Variants in ADAM10 observed in about 807,000 individuals in gnomAD.
The protein encoded by ADAM10 is ADAM metallopeptidase domain 10, also known as disintegrin and metalloproteinase domain-containing protein 10.
In ADAM10, 17 loss-of-function variants were observed where a neutral mutation model predicts 90.1. The observed-to-expected ratio is 0.19, with a 90% CI of 0.13 to 0.28. The LOEUF (loss-of-function observed/expected upper bound fraction) is 0.28, where lower values mean the gene tolerates loss of function less well. Among genes scored for constraint, ADAM10 ranks in the 10% least tolerant of loss-of-function variants. The pLI, the probability that ADAM10 is intolerant of heterozygous loss-of-function variation, is 1.00. For synonymous variants in ADAM10, 310 were observed against 298.6 expected, an observed-to-expected ratio of 1.04 and a Z score of -0.40; for missense variants, 610 against 914.3, an observed-to-expected ratio of 0.67 and a Z score of 4.29.
chr15:58,677,968 A>G (rs1897333656), intron 4 of ADAM10, among the ~76,000 whole-genome samples: 2 of 152,200 alleles, frequency 1.3e-5, no homozygotes, highest in Non-Finnish European at 2.9e-5. Context: ...AACCAGGTAA[A>G]TAATAATTTT....
intron 1 of ADAM10, among the ~76,000 whole-genome samples, chr15:58,728,881 G>C (rs1899128174): frequency 6.6e-6 from 1 of 152,236 alleles, no homozygotes; most frequent in African/African-American, 2.4e-5. Flanking sequence ...TTGCTAATAG[G>C]ACATAAGTAG....
chr15:58,740,507 A>G (rs571712578), intron 1 of ADAM10, among the ~76,000 whole-genome samples: 2 of 152,254 alleles, frequency 1.3e-5, no homozygotes, highest in African/African-American at 4.8e-5. Context: ...ACTTATACAT[A>G]TCTCAGTGTC....
At chr15:58,671,110 C>T (rs1897181963) in intron 4 of ADAM10, among the ~76,000 whole-genome samples, 1 of 152,176 alleles carries the variant, frequency 6.6e-6, no homozygotes, top group Non-Finnish European at 1.5e-5. Context: ...ACCAAGACCA[C>T]TAACTTGTAT....
chr15:58,726,566 C>CA (rs1285094094), intron 1 of ADAM10, among the ~76,000 whole-genome samples: 89 of 9,808 alleles, frequency 9.1e-3, no homozygotes, highest in South Asian at 0.017. Context: ...CCTCAGTCTC[C>CA]CAAAAAAAAA....
At chr15:58,708,029 A>G (rs1898358865) in intron 2 of ADAM10, among the ~76,000 whole-genome samples, 1 of 152,044 alleles carries the variant, frequency 6.6e-6, no homozygotes, top group South Asian at 2.1e-4. Flanking sequence ...ATGAGTGAAG[A>G]TCGCGCCACT....
intron 8 of ADAM10, among the ~76,000 whole-genome samples, chr15:58,638,816 G>C (rs1161465048): frequency 2.6e-5 from 4 of 151,940 alleles, no homozygotes; most frequent in African/African-American, 9.7e-5. Context: ...TTCCAAATAG[G>C]GGAGCATTCT....
chr15:58,666,712 T>C (rs1311086198), intron 4 of ADAM10, among the ~76,000 whole-genome samples: 1 of 152,156 alleles, frequency 6.6e-6, no homozygotes, highest in African/African-American at 2.4e-5. Flanking sequence ...CTTAAAACAT[T>C]GGGATTTTAA....
intron 11 of ADAM10, 66 bp from the exon 12 acceptor site, chr15:58,612,057 T>C (rs1419180696): frequency 3.0e-5 from 43 of 1,426,272 alleles, no homozygotes; most frequent in Non-Finnish European, 4.2e-5. Context: ...CTATTAGATA[T>C]TAGATTAGAT....
chr15:58,719,121 C>T (rs977723961), intron 1 of ADAM10, among the ~76,000 whole-genome samples: 3 of 152,090 alleles, frequency 2.0e-5, no homozygotes, highest in African/African-American at 4.8e-5. Context: ...GTCAGGAGTT[C>T]GAGACCAGCC....
At chr15:58,653,888 T>C (rs1435945229) in intron 5 of ADAM10, among the ~76,000 whole-genome samples, 1 of 152,166 alleles carries the variant, frequency 6.6e-6, no homozygotes, top group African/African-American at 2.4e-5. Context: ...TCAATTTCAT[T>C]ACTTGTTATT....
intron 5 of ADAM10, among the ~76,000 whole-genome samples, chr15:58,662,842 G>GTCC (rs1453641520): frequency 1.3e-5 from 2 of 152,258 alleles, no homozygotes; most frequent in South Asian, 4.2e-4. Flanking sequence ...TATTGCGCCC[G>GTCC]TAAGTCCAGA....
chr15:58,616,030 A>G (rs1253778842), intron 11 of ADAM10, among the ~76,000 whole-genome samples: 2 of 152,092 alleles, frequency 1.3e-5, no homozygotes, highest in African/African-American at 2.4e-5. Context: ...GTGAAAAGAG[A>G]CAAAAAAGAT....
intron 2 of ADAM10, among the ~76,000 whole-genome samples, chr15:58,697,348 G>C (rs1898007918): frequency 6.6e-6 from 1 of 152,036 alleles, no homozygotes. Flanking sequence ...CCCAGTGGCA[G>C]GGCCCCACTC....
At chr15:58,709,335 GA>G (rs1257332114) in intron 2 of ADAM10, among the ~76,000 whole-genome samples, 2 of 152,136 alleles carry the variant, frequency 1.3e-5, no homozygotes, top group East Asian at 3.8e-4. Context: ...ATTTTAGCAT[GA>G]AATATAACAT....
At chr15:58,642,238 G>A (rs1460541995) in intron 7 of ADAM10, among the ~76,000 whole-genome samples, 2 of 152,130 alleles carry the variant, frequency 1.3e-5, no homozygotes, top group African/African-American at 2.4e-5. Flanking sequence ...AGGCCGAGGC[G>A]GGTGATCACC....
At chr15:58,608,340 T>C (rs1393540811) in intron 14 of ADAM10, among the ~76,000 whole-genome samples, 1 of 152,196 alleles carries the variant, frequency 6.6e-6, no homozygotes, top group Non-Finnish European at 1.5e-5. Flanking sequence ...CCTGATAATC[T>C]GTATTACTAA....
chr15:58,623,898 T>G (rs368195354), intron 10 of ADAM10, among the ~76,000 whole-genome samples: 2 of 150,506 alleles, frequency 1.3e-5, no homozygotes, highest in East Asian at 3.9e-4. Context: ...GGTTGATAGG[T>G]GCAGTAAACC....
At chr15:58,703,075 G>C (rs190112015) in intron 2 of ADAM10, among the ~76,000 whole-genome samples, 1 of 152,030 alleles carries the variant, frequency 6.6e-6, no homozygotes, top group Admixed American at 6.6e-5. Context: ...ATTCCTGTTG[G>C]ATAACATGTC....
intron 5 of ADAM10, among the ~76,000 whole-genome samples, chr15:58,655,711 G>GTGTGTATATATATATA (rs1212041296): frequency 2.2e-4 from 12 of 53,706 alleles, no homozygotes; most frequent in East Asian, 1.2e-3. Context: ...TATATATATA[G>GTGTGTATATATATATA]TATATATATA....
Sources: gnomAD v4.1 joint callset for allele counts (sites outside exome capture counted in the v4.1 genomes callset) on GRCh38, gnomAD v4.1.1 for gene constraint, MANE v1.5 for transcripts, NCBI Gene and HGNC (gene_info 2026-07-23, HGNC 2026-07-21) for gene names.